Variants in BUB1B observed in about 807,000 individuals in gnomAD.
BUB1B encodes BUB1 mitotic checkpoint serine/threonine kinase B, also known as mitotic checkpoint serine/threonine-protein kinase BUB1 beta.
Under a neutral mutation model 137.7 loss-of-function variants are expected in BUB1B, and 86 were observed. That is an observed-to-expected ratio of 0.62 (90% CI 0.52 to 0.75). The LOEUF (loss-of-function observed/expected upper bound fraction) is 0.75, where lower values mean the gene tolerates loss of function less well. Ranked by LOEUF, BUB1B falls within the 30% of genes least tolerant of loss-of-function variation. The probability of loss-of-function intolerance (pLI) is 0.00; values close to 1 mark genes in which losing one functional copy is unlikely to be tolerated. For synonymous variants in BUB1B, 420 were observed against 417.9 expected (o/e 1.00, Z -0.06); for missense variants, 1,130 against 1,236.9 (o/e 0.91, Z 1.30).
intron 5 of BUB1B, among the ~76,000 whole-genome samples, chr15:40,178,793 A>G (rs1263363647): frequency 6.6e-6 from 1 of 152,104 alleles, no homozygotes; most frequent in Non-Finnish European, 1.5e-5. Context: ...TTTATCCCTG[A>G]TAATACTCCT....
At chr15:40,191,940 G>A (rs1384833243) in intron 8 of BUB1B, among the ~76,000 whole-genome samples, 1 of 151,568 alleles carries the variant, frequency 6.6e-6, no homozygotes, top group East Asian at 1.9e-4. Flanking sequence ...ATCCAACTTT[G>A]TTCCTCTTTT....
At chr15:40,198,368 A>G (rs995141105) in intron 9 of BUB1B, among the ~76,000 whole-genome samples, 3 of 152,094 alleles carry the variant, frequency 2.0e-5, no homozygotes, top group African/African-American at 7.2e-5. Context: ...ATGAGCCACC[A>G]TGCAGACCTT....
chr15:40,166,027 AT>A lies in BUB1B; in HGVS notation c.179+836del, dbSNP rs1440765845. On this transcript the variant is annotated intron_variant, in intron 2 of 22. Coordinates refer to ENST00000287598, the MANE Select transcript of BUB1B (RefSeq NM_001211.6). ...GCCGCCACGCCTGGGTAATTTTTGT[AT>A]TTTTAGTAGAGATGGGTCCTTGCCA... is the stretch of plus-strand genomic sequence containing the variant. Among the ~76,000 whole-genome samples the A allele has an allele frequency of 2.6e-5, 4 of 152,048 alleles. No homozygotes were observed. The East Asian group carries it at 7.8e-4, about 30-fold the overall frequency.
chr15:40,192,345 A>T (rs1430519004), intron 8 of BUB1B, among the ~76,000 whole-genome samples: 1 of 152,138 alleles, frequency 6.6e-6, no homozygotes, highest in East Asian at 1.9e-4. Context: ...AACATCATGC[A>T]TGAGTGTGGT....
intron 16 of BUB1B, 39 bp downstream of exon 16, chr15:40,208,809 A>C: frequency 6.3e-7 from 1 of 1,577,974 alleles, no homozygotes; most frequent in Non-Finnish European, 8.7e-7. Context: ...CCTAGTGAAC[A>C]CTTGTTTATC....
In BUB1B at chr15:40,170,653, C is replaced by T. The variant is rs2037151404; in HGVS notation, c.356C>T (p.Pro119Leu). The change falls in exon 4 of 23, where the codon CCT (proline) becomes CTT (leucine). Residue 119 changes from proline (P) to leucine (L), a missense_variant. Pro to Leu is a moderately conservative substitution (Grantham distance 98, BLOSUM62 -3). Transcript: ENST00000287598. ...GGAGAAAAACGATATTATAGTGATC[C>T]TCGATTTCTCAATCTCTGGCTTAAA... ...LQGEKRYYSD[P>L]RFLNLWLKLG... 2 of 1,613,650 alleles carry T rather than the reference C, an allele frequency of 1.2e-6. No homozygotes were observed. Among genetic ancestry groups the T allele is most frequent in the Non-Finnish European group, 1.7e-6 (2 of 1,179,774 alleles).
chr15:40,210,536 C>G lies in BUB1B; in HGVS notation c.2385+326C>G, dbSNP rs930239185. ...CTTTTTATCTTTGTTTTTTAAAGGA[C>G]ACGGTCTCTGTCATCCAGGCTGGAG... is the stretch of plus-strand genomic sequence containing the variant. On this transcript the variant is annotated intron_variant, in intron 18 of 22. Coordinates refer to ENST00000287598, the MANE Select transcript of BUB1B (RefSeq NM_001211.6). Among the ~76,000 whole-genome samples the G allele has an allele frequency of 2.0e-5, 3 of 152,016 alleles. No homozygotes were observed. The South Asian group carries it at 6.2e-4, about 32-fold the overall frequency.
At chr15:40,210,276 T>G (rs1260759390) in intron 18 of BUB1B, 66 bp downstream of exon 18, 1 of 1,167,694 alleles carries the variant, frequency 8.6e-7, no homozygotes, top group East Asian at 2.4e-5. Context: ...ATAACTGTCC[T>G]CATGTTACCA....
At chr15:40,191,692 G>A (rs934675478) in intron 8 of BUB1B, among the ~76,000 whole-genome samples, 1 of 152,092 alleles carries the variant, frequency 6.6e-6, no homozygotes, top group Admixed American at 6.6e-5. Context: ...TCTTCATGTG[G>A]ATATCCAGTG....
rs778590557 is a variant in BUB1B at position 40,196,653 on chromosome 15, TGAG to T, written c.1171_1173del (p.Glu391del). Reference sequence around the variant, plus strand: ...GGGTTCAGAGCCATCAGCAAGCGTCTGAGGAGAAGAAAGAGAAGATGATGTATT... The same window carrying T: ...GGGTTCAGAGCCATCAGCAAGCGTCTGAGAAGAAAGAGAAGATGATGTATT... On this transcript the variant is annotated inframe_deletion, in exon 9 of 23. Transcript: ENST00000287598. The T allele has an allele frequency of 5.9e-4, 958 of 1,613,974 alleles. 2 individuals carry two copies. Among genetic ancestry groups the T allele is most frequent in the Non-Finnish European group, 7.5e-4 (884 of 1,179,936 alleles).
chr15:40,171,830 G>A (rs1566816436), intron 4 of BUB1B, among the ~76,000 whole-genome samples: 1 of 151,808 alleles, frequency 6.6e-6, no homozygotes, highest in Non-Finnish European at 1.5e-5. Flanking sequence ...GCACTACTTT[G>A]TACTGTCTTA....
At chr15:40,210,694 G>A (rs955591781) in intron 18 of BUB1B, among the ~76,000 whole-genome samples, 1 of 152,018 alleles carries the variant, frequency 6.6e-6, no homozygotes, top group Non-Finnish European at 1.5e-5. Context: ...TTGTAGAGAC[G>A]GGGGCCTCTC....
At chr15:40,177,257 G>T (rs914373759) in intron 5 of BUB1B, among the ~76,000 whole-genome samples, 1 of 152,058 alleles carries the variant, frequency 6.6e-6, no homozygotes, top group African/African-American at 2.4e-5. Flanking sequence ...AGTTTTTCTT[G>T]TATGGATCGT....
At chr15:40,195,218 G>A (rs2037483915) in intron 8 of BUB1B, among the ~76,000 whole-genome samples, 1 of 151,624 alleles carries the variant, frequency 6.6e-6, no homozygotes, top group Admixed American at 6.6e-5. Context: ...CCACTTATAA[G>A]TGAGAACATA....
At chr15:40,213,229 A>G in intron 19 of BUB1B, 103 bp from the exon 20 acceptor site, 3 of 1,310,176 alleles carry the variant, frequency 2.3e-6, no homozygotes, top group Admixed American at 3.5e-5. Flanking sequence ...ACGTTCCAGT[A>G]GAGAACAAGG....
rs1394920589 is a variant in BUB1B, at chr15:40,206,171, G to A, written c.1735-13G>A. ...AAATATTTTAGCTAAACTTTATATG[G>A]TCTTTATTTCAGGATGAATTTACAG... On this transcript the variant is annotated splice_polypyrimidine_tract_variant and intron_variant, in intron 14 of 22. Transcript: ENST00000287598. The A allele has an allele frequency of 6.2e-7, 1 of 1,613,744 alleles. No homozygotes were observed. Among genetic ancestry groups the A allele is most frequent in the Non-Finnish European group, 8.5e-7 (1 of 1,179,868 alleles).
In BUB1B at chr15:40,185,319, G is replaced by T. The variant is rs547663349; in HGVS notation, c.906G>T (p.Arg302Ser). The change falls in exon 7 of 23, where the codon AGG becomes AGT. Residue 302 changes from arginine to serine, a missense_variant. Arg to Ser is a moderately radical substitution (Grantham distance 110). Transcript: ENST00000287598. Reference sequence around the variant, plus strand: ...CATGGATAGCACCCCCCATGCCCAGGGCCAAAGAGAATGAGCTGCAAGCAG... The same window carrying T: ...CATGGATAGCACCCCCCATGCCCAGTGCCAAAGAGAATGAGCTGCAAGCAG... ...VQPWIAPPMPRAKENELQAGP... is the reference protein window; with the variant it reads ...VQPWIAPPMPSAKENELQAGP... 6.2e-7 allele frequency: 1 copy of T among 1,614,108 alleles called. No homozygotes were observed. Among genetic ancestry groups the T allele is most frequent in the South Asian group, 1.1e-5 (1 of 91,070 alleles).
Position 40,195,350 on chromosome 15 carries a change from A to T in BUB1B, c.1059-1195A>T, listed in dbSNP as rs1255336314. On this transcript the variant is annotated intron_variant, in intron 8 of 22. Transcript: ENST00000287598. Reference sequence around the variant, plus strand: ...GTGGCTGAGTAGTATTTCATGGTAGATATATACCACATTTTCTTTATCCAT... The same window carrying T: ...GTGGCTGAGTAGTATTTCATGGTAGTTATATACCACATTTTCTTTATCCAT... Among the ~76,000 whole-genome samples, 4 of 152,222 alleles carry T rather than the reference A, an allele frequency of 2.6e-5. No individual in the cohort carries two copies. The South Asian group carries it at 6.2e-4, about 24-fold the overall frequency.
chr15:40,199,565 G>A, intron 9 of BUB1B, 50 bp from the exon 10 acceptor site: 1 of 1,480,000 alleles, frequency 6.8e-7, no homozygotes, highest in Non-Finnish European at 9.4e-7. Flanking sequence ...GTTTTTGACA[G>A]AATGAGTTAC....
Sources: gnomAD v4.1 joint callset for allele counts (sites outside exome capture counted in the v4.1 genomes callset) on GRCh38, gnomAD v4.1.1 for gene constraint, MANE v1.5 for transcripts, NCBI Gene and HGNC (gene_info 2026-07-23, HGNC 2026-07-21) for gene names.